The following COMMD6 variants were observed in gnomAD, a reference collection of about 807,000 sequenced individuals.
The protein encoded by COMMD6 is COMM domain-containing protein 6.
COMMD6 carries 11 observed loss-of-function variants against 13.4 expected under a neutral mutation model. The observed-to-expected ratio is 0.82, with a 90% CI of 0.52 to 1.36. COMMD6 has a LOEUF of 1.36. Among genes scored for constraint, COMMD6 ranks in the 40% most tolerant of loss-of-function variants. The probability of loss-of-function intolerance (pLI) is 0.00; values close to 1 mark genes in which losing one functional copy is unlikely to be tolerated. For missense variants in COMMD6, 124 were observed against 102.4 expected (o/e 1.21, Z -0.91); for synonymous variants, 43 against 36.5 (o/e 1.18, Z -0.64).
At chr13:75,535,106 G>C (rs1294766730) in intron 2 of COMMD6, among the ~76,000 whole-genome samples, 1 of 151,966 alleles carries the variant, frequency 6.6e-6, no homozygotes, top group Non-Finnish European at 1.5e-5. Context: ...TGCGGCTTTT[G>C]AACAGAAAGA....
intron 3 of COMMD6, 190 bp downstream of exon 3, chr13:75,529,924 A>G (rs2030410026): frequency 3.7e-6 from 2 of 543,522 alleles, no homozygotes; most frequent in Non-Finnish European, 6.5e-6. Context: ...AGCACATTAT[A>G]TTGAAAATAA....
intron 2 of COMMD6, among the ~76,000 whole-genome samples, chr13:75,534,773 C>T (rs2030604548): frequency 6.6e-6 from 1 of 152,092 alleles, no homozygotes. Flanking sequence ...GCTGTAGTCA[C>T]ACTAAAAATT....
chr13:75,535,738 C>T (rs2030642000), intron 2 of COMMD6, among the ~76,000 whole-genome samples: 2 of 152,214 alleles, frequency 1.3e-5, no homozygotes, highest in Admixed American at 6.5e-5. Context: ...GTTGATTTTT[C>T]AGTTTGTTCA....
rs765787875 is a variant in COMMD6 at position 75,526,615 on chromosome 13, T to C, written c.232A>G (p.Ile78Val). 5 of 1,606,994 alleles carry C rather than the reference T, an allele frequency of 3.1e-6. No individual in the cohort carries two copies. In the South Asian group the frequency reaches 4.4e-5, roughly 14 times the overall value. The change falls in exon 4 of 4, where the codon ATT becomes GTT. Residue 78 changes from isoleucine to valine, a missense_variant. Transcript: ENST00000682242. ...FQNFYRQFKE[I>V]AAVIETV Reference sequence around the variant, plus strand: ...CACACCGTTTCAATAACTGCAGCAATTTCCTTGAACTGTCTGTAGAAATTC... The same window carrying C: ...CACACCGTTTCAATAACTGCAGCAACTTCCTTGAACTGTCTGTAGAAATTC...
chr13:75,544,959 A>G (rs368541988), intron 1 of COMMD6, among the ~76,000 whole-genome samples: 1 of 151,040 alleles, frequency 6.6e-6, no homozygotes, highest in Non-Finnish European at 1.5e-5. Flanking sequence ...ACAAGACTTA[A>G]GTAGGTAAAG....
chr13:75,538,066 G>T, upstream of COMMD6: 1 of 421,500 alleles, frequency 2.4e-6, no homozygotes, highest in Non-Finnish European at 4.2e-6. Flanking sequence ...ATTAAATTTA[G>T]GATGCCGCTT....
chr13:75,538,269 A>G (rs963743771), upstream of COMMD6, among the ~76,000 whole-genome samples: 2 of 152,200 alleles, frequency 1.3e-5, no homozygotes, highest in Non-Finnish European at 2.9e-5. Flanking sequence ...TCGCTGGCCT[A>G]GCTGTGGGCG....
chr13:75,535,026 C>T (rs1022841260), intron 2 of COMMD6, among the ~76,000 whole-genome samples: 6 of 152,238 alleles, frequency 3.9e-5, no homozygotes, highest in Admixed American at 2.0e-4. Flanking sequence ...TATAGCGTGA[C>T]GAAATGCAGG....
chr13:75,536,480 C>T (rs1396348652), intron 2 of COMMD6, among the ~76,000 whole-genome samples: 1 of 152,102 alleles, frequency 6.6e-6, no homozygotes, highest in African/African-American at 2.4e-5. Flanking sequence ...AAATTAAGGA[C>T]TTGGAGATGT....
chr13:75,533,101 T>C (rs1207020846), intron 2 of COMMD6, among the ~76,000 whole-genome samples: 1 of 151,886 alleles, frequency 6.6e-6, no homozygotes, highest in Non-Finnish European at 1.5e-5. Flanking sequence ...GGGCTAATTT[T>C]TTTGTATTTT....
At chr13:75,533,603 T>A (rs148458058) in intron 2 of COMMD6, among the ~76,000 whole-genome samples, 1 of 148,418 alleles carries the variant, frequency 6.7e-6, no homozygotes, top group African/African-American at 2.5e-5. Flanking sequence ...GAGAGAGAGA[T>A]ATTCTTCTGG....
At chr13:75,537,627 G>A (rs771659559) in intron 2 of COMMD6, 37 bp downstream of exon 2, 1 of 1,613,566 alleles carries the variant, frequency 6.2e-7, no homozygotes, top group Non-Finnish European at 8.5e-7. Flanking sequence ...TGGGAGGCAG[G>A]CTGGCGGAGG....
chr13:75,544,466 A>C (rs2030871657), intron 1 of COMMD6, among the ~76,000 whole-genome samples: 1 of 152,012 alleles, frequency 6.6e-6, no homozygotes, highest in African/African-American at 2.4e-5. Context: ...TCTAGTGTTA[A>C]AAAAAGTGAG....
upstream of COMMD6, chr13:75,537,844 C>T: frequency 3.8e-6 from 6 of 1,564,386 alleles, no homozygotes; most frequent in Middle Eastern, 1.9e-4. Flanking sequence ...CTCGAGAGAA[C>T]GCCCCCAGAC....
intron 1 of COMMD6, among the ~76,000 whole-genome samples, chr13:75,545,818 T>C (rs1490928404): frequency 6.6e-6 from 1 of 152,156 alleles, no homozygotes; most frequent in Non-Finnish European, 1.5e-5. Flanking sequence ...TAGTCGTGAC[T>C]CAGTTGTTTT....
At chr13:75,536,405 T>C (rs2138422711) in intron 2 of COMMD6, among the ~76,000 whole-genome samples, 1 of 152,350 alleles carries the variant, frequency 6.6e-6, no homozygotes, top group South Asian at 2.1e-4. Flanking sequence ...TATGTCCACA[T>C]GCTAATCCTC....
At chr13:75,535,461 C>G (rs890376985) in intron 2 of COMMD6, among the ~76,000 whole-genome samples, 5 of 152,134 alleles carry the variant, frequency 3.3e-5, no homozygotes, top group Admixed American at 6.5e-5. Context: ...TGCGGTATTC[C>G]AGGAAAGAGA....
At chr13:75,530,392 T>G in intron 2 of COMMD6, 126 bp from the exon 3 acceptor site, 1 of 641,922 alleles carries the variant, frequency 1.6e-6, no homozygotes, top group East Asian at 2.8e-5. Context: ...ACATAAAGTA[T>G]CTTCATTTTA....
rs1479376879 is a variant in COMMD6 at position 75,530,166 on chromosome 13, T to C, written c.155A>G (p.His52Arg). 4 of 1,613,662 alleles carry C rather than the reference T, an allele frequency of 2.5e-6. No individual in the cohort carries two copies. The highest frequency in any genetic ancestry group is 3.4e-6 in the Non-Finnish European group (4 of 1,179,700). ...GCACTTGGTCTTTACTTGGCCTGAA[T>C]GATCTGCCACTTTTAGCATCACTGC... ...YVAVMLKVADHSGQVKTKCFE... is the reference protein window; with the variant it reads ...YVAVMLKVADRSGQVKTKCFE... The change falls in exon 3 of 4, where the codon CAT becomes CGT. Residue 52 changes from histidine to arginine, a missense_variant. By Grantham distance (29) the His-to-Arg change is conservative. Coordinates refer to ENST00000682242, the MANE Select transcript of COMMD6 (RefSeq NM_203495.4).
Sources: gnomAD v4.1 joint callset for allele counts (sites outside exome capture counted in the v4.1 genomes callset) on GRCh38, gnomAD v4.1.1 for gene constraint, MANE v1.5 for transcripts, NCBI Gene and HGNC (gene_info 2026-07-23, HGNC 2026-07-21) for gene names.